Variants in AGBL1 observed in about 807,000 individuals in gnomAD.
AGBL1 encodes cytosolic carboxypeptidase 4.
AGBL1 carries 130 observed loss-of-function variants against 118.9 expected under a neutral mutation model. The ratio of observed to expected loss-of-function variants is 1.09; its 90% CI spans 0.95 to 1.26. The LOEUF (loss-of-function observed/expected upper bound fraction) is 1.26, where lower values mean the gene tolerates loss of function less well. AGBL1 is among the 50% of genes most tolerant of loss of function. The pLI is 0.00. For missense variants in AGBL1, 1,584 were observed against 1,298.1 expected (o/e 1.22, Z -3.38); for synonymous variants, 555 against 478.9 (o/e 1.16, Z -2.08).
intron 21 of AGBL1, among the ~76,000 whole-genome samples, chr15:86,669,631 T>C (rs2085706388): frequency 6.6e-6 from 1 of 152,136 alleles, no homozygotes; most frequent in African/African-American, 2.4e-5. Flanking sequence ...AAGGAGAAGA[T>C]CTTACAAACT....
At chr15:86,547,667 G>C (rs938262020) in intron 20 of AGBL1, among the ~76,000 whole-genome samples, 2 of 152,148 alleles carry the variant, frequency 1.3e-5, no homozygotes, top group African/African-American at 4.8e-5. Context: ...AATAAGGACA[G>C]TGGTATTTAA....
At chr15:86,744,210 A>G (rs755551297) in intron 22 of AGBL1, among the ~76,000 whole-genome samples, 2 of 152,140 alleles carry the variant, frequency 1.3e-5, no homozygotes, top group Non-Finnish European at 2.9e-5. Context: ...ATTGACAGGA[A>G]TAATTAGCTT....
chr15:86,819,159 C>T (rs1486037790), intron 22 of AGBL1, among the ~76,000 whole-genome samples: 1 of 151,930 alleles, frequency 6.6e-6, no homozygotes, highest in African/African-American at 2.4e-5. Context: ...AAATCTAACA[C>T]TGAAGGGTAT....
chr15:86,440,034 A>T (rs921958497), intron 18 of AGBL1, among the ~76,000 whole-genome samples: 2 of 152,212 alleles, frequency 1.3e-5, no homozygotes, highest in Admixed American at 6.5e-5. Context: ...CCACAATATT[A>T]ATAACAGCAT....
At position 86,899,481 on chromosome 15, in the gene AGBL1, T is replaced by C. The variant is rs868110641; in HGVS notation, c.3159-7606T>C. ...AAATAATTTGTACAACGAACCCCCA[T>C]GACACAAGTTTACCTATGTAACAAG... On this transcript the variant is annotated intron_variant, in intron 22 of 22. Coordinates refer to ENST00000614907, the MANE Select transcript of AGBL1 (RefSeq NM_001386094.1). Among the ~76,000 whole-genome samples the C allele has an allele frequency of 2.6e-5, 4 of 152,260 alleles. No individual in the cohort carries two copies. The Middle Eastern group carries it at 0.01, about 391-fold the overall frequency.
chr15:86,775,948 A>G (rs1022835118), intron 22 of AGBL1, among the ~76,000 whole-genome samples: 4 of 152,106 alleles, frequency 2.6e-5, no homozygotes, highest in South Asian at 4.1e-4. Flanking sequence ...AAGTTGATAA[A>G]TAGCATCCTA....
At position 86,792,922 on chromosome 15, in the gene AGBL1, AAGTC is replaced by A. The variant is rs534953737; in HGVS notation, c.3159-114160_3159-114157del. Reference sequence around the variant, plus strand: ...ATAGATATTTGTCTCTTCCATTGTCAAGTCAGTCCCATTCTATACATATTTTAGA... The same window carrying A: ...ATAGATATTTGTCTCTTCCATTGTCAAGTCCCATTCTATACATATTTTAGA... On this transcript the variant is annotated intron_variant, in intron 22 of 22. Coordinates refer to ENST00000614907, the MANE Select transcript of AGBL1 (RefSeq NM_001386094.1). Among the ~76,000 whole-genome samples the A allele has an allele frequency of 6.2e-4, 95 of 152,314 alleles. 1 individual carries two copies. Among genetic ancestry groups the A allele is most frequent in the African/African-American group, 1.8e-3 (76 of 41,570 alleles).
chr15:86,468,516 A>G (rs1479110425), intron 18 of AGBL1, among the ~76,000 whole-genome samples: 2 of 152,102 alleles, frequency 1.3e-5, no homozygotes, highest in African/African-American at 4.8e-5. Context: ...GAGCTTGGAA[A>G]CACCTGTTAT....
chr15:86,208,482 T>A (rs1007589346), intron 5 of AGBL1, among the ~76,000 whole-genome samples: 4 of 152,244 alleles, frequency 2.6e-5, no homozygotes, highest in African/African-American at 9.6e-5. Flanking sequence ...TATTAATTAT[T>A]GCCTCAATTT....
chr15:86,868,901 C>G (rs759280517), intron 22 of AGBL1, among the ~76,000 whole-genome samples: 5 of 152,180 alleles, frequency 3.3e-5, no homozygotes, highest in Admixed American at 2.0e-4. Context: ...ATGAATTAAA[C>G]TGCCTGTGCT....
chr15:86,416,408 A>T (rs1407205316), intron 18 of AGBL1, among the ~76,000 whole-genome samples: 3 of 152,166 alleles, frequency 2.0e-5, no homozygotes, highest in African/African-American at 4.8e-5. Flanking sequence ...TTGAGTGTTT[A>T]TGAGTCCTGA....
chr15:86,746,191 G>A lies in AGBL1; in HGVS notation c.3158+71755G>A, dbSNP rs76665723. 1.3e-3 allele frequency among the ~76,000 whole-genome samples: 193 copies of A among 152,220 alleles called. 3 individuals are homozygous for A. The East Asian group carries it at 0.033, about 26-fold the overall frequency. On this transcript the variant is annotated intron_variant, in intron 22 of 22. Transcript: ENST00000614907. ...GGTTATGTTTCGCTCTTATTGACAA[G>A]ATGAAGTAGACTCCTTCCGCACATC...
chr15:86,995,861 G>C (rs1207499818), intron 24 of AGBL1, among the ~76,000 whole-genome samples: 1 of 152,124 alleles, frequency 6.6e-6, no homozygotes, highest in Non-Finnish European at 1.5e-5. Flanking sequence ...GCATTGATCA[G>C]TCTTTGCAGC....
intron 21 of AGBL1, among the ~76,000 whole-genome samples, chr15:86,569,587 C>G (rs1019415370): frequency 2.0e-5 from 3 of 152,152 alleles, no homozygotes; most frequent in Non-Finnish European, 4.4e-5. Flanking sequence ...GATCTCAAAG[C>G]ACACTATGAG....
chr15:86,840,199 T>A (rs2079225327), intron 22 of AGBL1, among the ~76,000 whole-genome samples: 1 of 152,202 alleles, frequency 6.6e-6, no homozygotes, highest in South Asian at 2.1e-4. Context: ...GGGTACAGAA[T>A]TTTGGTTGTT....
intron 22 of AGBL1, among the ~76,000 whole-genome samples, chr15:86,895,285 A>G (rs2080109300): frequency 6.6e-6 from 1 of 152,044 alleles, no homozygotes; most frequent in African/African-American, 2.4e-5. Context: ...TATAGAAAAT[A>G]TTGATACATA....
intron 24 of AGBL1, among the ~76,000 whole-genome samples, chr15:87,017,273 C>G (rs2081616353): frequency 6.6e-6 from 1 of 152,056 alleles, no homozygotes; most frequent in Non-Finnish European, 1.5e-5. Flanking sequence ...AATTCTGCTA[C>G]CAAAAAAAAC....
At chr15:86,991,987 T>C (rs1233158756) in intron 24 of AGBL1, among the ~76,000 whole-genome samples, 1 of 152,182 alleles carries the variant, frequency 6.6e-6, no homozygotes, top group African/African-American at 2.4e-5. Flanking sequence ...AAGGAATACC[T>C]GAGGCTGGGT....
At chr15:86,130,136 A>T (rs2166092) in intron 1 of AGBL1, among the ~76,000 whole-genome samples, 1 of 152,100 alleles carries the variant, frequency 6.6e-6, no homozygotes, top group Non-Finnish European at 1.5e-5. Flanking sequence ...CTCACTCTAT[A>T]CTGGAGCATG....
Sources: allele counts gnomAD v4.1 joint callset (sites outside exome capture counted in the v4.1 genomes callset), GRCh38; gene constraint gnomAD v4.1.1; transcripts MANE v1.5; gene names NCBI Gene and HGNC (gene_info 2026-07-23, HGNC 2026-07-21).